The following LRRC7 variants were observed in gnomAD, a reference collection of about 807,000 sequenced individuals.
The protein encoded by LRRC7 is leucine-rich repeat-containing protein 7.
Under a neutral mutation model 175.7 loss-of-function variants are expected in LRRC7, and 23 were observed. The ratio of observed to expected loss-of-function variants is 0.13; its 90% CI spans 0.09 to 0.19. The LOEUF is 0.19. LRRC7 is among the 10% of genes least tolerant of loss of function. The pLI is 1.00. For synonymous variants in LRRC7, 685 were observed against 680.9 expected (o/e 1.01, Z -0.09); for missense variants, 1,354 against 1,904.7 (o/e 0.71, Z 5.38).
At chr1:70,039,905 A>G in intron 21 of LRRC7, 112 bp downstream of exon 21, 1 of 1,314,148 alleles carries the variant, frequency 7.6e-7, no homozygotes, top group South Asian at 1.6e-5. Context: ...TTAGATGATC[A>G]GTATTTTATT....
chr1:70,016,004 AACC>A (rs1408606196), intron 13 of LRRC7, among the ~76,000 whole-genome samples: 1 of 152,192 alleles, frequency 6.6e-6, no homozygotes, highest in African/African-American at 2.4e-5. Flanking sequence ...GGTGCTTTGA[AACC>A]AGATTGAGGG....
intron 23 of LRRC7, among the ~76,000 whole-genome samples, chr1:70,054,673 C>T (rs1661008195): frequency 7.6e-6 from 1 of 130,928 alleles, no homozygotes; most frequent in Admixed American, 8.9e-5. Context: ...CTCACTTGCT[C>T]ACTGCAATCT....
intron 13 of LRRC7, among the ~76,000 whole-genome samples, chr1:70,014,677 A>C (rs889037962): frequency 6.6e-6 from 1 of 152,102 alleles, no homozygotes; most frequent in Non-Finnish European, 1.5e-5. Context: ...AATGTCATCC[A>C]AAAGTAATGA....
chr1:70,045,091 A>G (rs940578502), intron 22 of LRRC7, among the ~76,000 whole-genome samples: 1 of 151,968 alleles, frequency 6.6e-6, no homozygotes, highest in Non-Finnish European at 1.5e-5. Flanking sequence ...CAAACTGTGG[A>G]CAGTTTGGTT....
chr1:69,623,275 T>C (rs1334662543), intron 1 of LRRC7, among the ~76,000 whole-genome samples: 3 of 152,202 alleles, frequency 2.0e-5, no homozygotes, highest in African/African-American at 7.2e-5. Context: ...TTTGGGGTTA[T>C]GGAGTTTTAA....
chr1:69,679,649 G>A (rs967477831), intron 2 of LRRC7, among the ~76,000 whole-genome samples: 10 of 152,156 alleles, frequency 6.6e-5, no homozygotes, highest in South Asian at 2.1e-4. Flanking sequence ...AAAGTATTGC[G>A]TATTTCTGTT....
intron 8 of LRRC7, among the ~76,000 whole-genome samples, chr1:69,979,816 G>A (rs1653230879): frequency 6.6e-6 from 1 of 151,708 alleles, no homozygotes; most frequent in African/African-American, 2.4e-5. Context: ...TATTAGGTTG[G>A]TGCAAACATA....
chr1:69,649,724 T>TA lies in LRRC7; in HGVS notation c.3-28656dup, dbSNP rs150576398. 2.3e-3 allele frequency among the ~76,000 whole-genome samples: 348 copies of TA among 152,238 alleles called. 8 individuals carry two copies. In the East Asian group the frequency reaches 0.063, roughly 28 times the overall value. ...TTCCATGCAAAAGTATATGGTTTGGTAGACAGGCTCCTAAGCCTGGTTCTT... is the reference window on the plus strand; with the variant it reads ...TTCCATGCAAAAGTATATGGTTTGGTAAGACAGGCTCCTAAGCCTGGTTCTT... On this transcript the variant is annotated intron_variant, in intron 1 of 26. Coordinates refer to ENST00000651989, the MANE Select transcript of LRRC7 (RefSeq NM_001370785.2).
chr1:69,643,160 C>T (rs1654492477), intron 1 of LRRC7, among the ~76,000 whole-genome samples: 1 of 152,088 alleles, frequency 6.6e-6, no homozygotes, highest in Non-Finnish European at 1.5e-5. Context: ...AGCATTGGAT[C>T]TTCATCTGTC....
At chr1:69,781,270 T>C (rs979459911) in intron 3 of LRRC7, among the ~76,000 whole-genome samples, 1 of 152,094 alleles carries the variant, frequency 6.6e-6, no homozygotes, top group Non-Finnish European at 1.5e-5. Flanking sequence ...GCTCACTGGA[T>C]CCTTGTCTTA....
chr1:70,026,800 G>A (rs1658152832), intron 17 of LRRC7, among the ~76,000 whole-genome samples: 1 of 152,104 alleles, frequency 6.6e-6, no homozygotes. Flanking sequence ...AATATTAAAA[G>A]GAATGTTAGA....
intron 2 of LRRC7, among the ~76,000 whole-genome samples, chr1:69,724,681 A>G (rs1283857134): frequency 6.6e-6 from 1 of 152,190 alleles, no homozygotes. Context: ...CCTGCTGAGT[A>G]CTATTCTAGG....
chr1:69,963,408 G>A (rs984100276), intron 8 of LRRC7, among the ~76,000 whole-genome samples: 2 of 152,146 alleles, frequency 1.3e-5, no homozygotes, highest in African/African-American at 2.4e-5. Flanking sequence ...AGACAGTTGA[G>A]TTTTCCTTCA....
chr1:70,096,354 T>A (rs1175597884), intron 25 of LRRC7, among the ~76,000 whole-genome samples: 1 of 152,206 alleles, frequency 6.6e-6, no homozygotes, highest in Non-Finnish European at 1.5e-5. Flanking sequence ...TGATTCTAAG[T>A]ACAGTGGAAA....
intron 9 of LRRC7, among the ~76,000 whole-genome samples, chr1:69,982,009 T>C (rs1321536798): frequency 6.6e-6 from 1 of 152,208 alleles, no homozygotes; most frequent in Non-Finnish European, 1.5e-5. Context: ...CGCCAGAGGC[T>C]GCTGTTGACT....
rs142162567 is a variant in LRRC7 at position 70,038,608 on chromosome 1, A to C, written c.2784A>C (p.Pro928=). The C allele has an allele frequency of 6.2e-7, 1 of 1,614,094 alleles. No individual in the cohort carries two copies. Among genetic ancestry groups the C allele is most frequent in the Non-Finnish European group, 8.5e-7 (1 of 1,180,000 alleles). Residue 928 remains proline (P), a synonymous_variant, in exon 21 of 27, where the codon CCA becomes CCC. Transcript: ENST00000651989. ...ESTEIPSPFS[P]GVPWEYHDSN... The stretch of plus-strand genomic sequence containing the variant: ...CTGAAATACCTAGTCCTTTTTCTCC[A>C]GGCGTACCATGGGAGTATCATGATT...
At chr1:69,765,288 A>G (rs1671502670) in intron 3 of LRRC7, among the ~76,000 whole-genome samples, 1 of 152,126 alleles carries the variant, frequency 6.6e-6, no homozygotes, top group Non-Finnish European at 1.5e-5. Flanking sequence ...ATTATTACCA[A>G]AGACTATGTA....
chr1:69,869,119 G>A (rs928994772), intron 7 of LRRC7, among the ~76,000 whole-genome samples: 3 of 151,964 alleles, frequency 2.0e-5, no homozygotes, highest in African/African-American at 7.2e-5. Flanking sequence ...CCCACAACGG[G>A]GAGTGATGTG....
chr1:70,124,145 C>T lies in LRRC7; in HGVS notation c.*2258C>T, dbSNP rs1000518484. On this transcript the variant is annotated 3_prime_UTR_variant, in exon 27 of 27. Transcript: ENST00000651989. ...AGGAAAAGAGAAAAGGGATCCTTGA[C>T]CAACTGGAAAAGTTATCTGATATGC... is the stretch of plus-strand genomic sequence containing the variant. 6.6e-6 allele frequency among the ~76,000 whole-genome samples: 1 copy of T among 152,160 alleles called. No homozygotes were observed. Among genetic ancestry groups the T allele is most frequent in the African/African-American group, 2.4e-5 (1 of 41,432 alleles).
Sources: gnomAD v4.1 joint callset for allele counts (sites outside exome capture counted in the v4.1 genomes callset) on GRCh38, gnomAD v4.1.1 for gene constraint, MANE v1.5 for transcripts, NCBI Gene and HGNC (gene_info 2026-07-23, HGNC 2026-07-21) for gene names.